Variants in CCDC107 observed in about 807,000 individuals in gnomAD.
CCDC107 encodes coiled-coil domain containing 107.
In CCDC107, 17 loss-of-function variants were observed where a neutral mutation model predicts 17.9. That is an observed-to-expected ratio of 0.95 (90% CI 0.65 to 1.42). The LOEUF is 1.42. Ranked by LOEUF, CCDC107 falls within the 40% of genes most tolerant of loss-of-function variation. The probability of loss-of-function intolerance (pLI) is 0.00; values close to 1 mark genes in which losing one functional copy is unlikely to be tolerated. For synonymous variants in CCDC107, 170 were observed against 157.2 expected (o/e 1.08, Z -0.61); for missense variants, 388 against 360.1 (o/e 1.08, Z -0.63).
At position 35,658,365 on chromosome 9, in the gene CCDC107, A is replaced by C. The variant is rs1161244811; in HGVS notation, c.-15A>C. 1.4e-6 allele frequency: 2 copies of C among 1,383,816 alleles called. No individual in the cohort carries two copies. The highest frequency in any genetic ancestry group is 1.9e-6 in the Non-Finnish European group (2 of 1,065,594). 85.7% of individuals were successfully genotyped at this position (1,383,816 alleles called of 1,614,324 possible). Reference sequence around the variant, plus strand: ...TCGGCACCGCCCGCCCGATCCCTCCACCCGTGGGCCGGCAATGGCGGGCGC... The same window carrying C: ...TCGGCACCGCCCGCCCGATCCCTCCCCCCGTGGGCCGGCAATGGCGGGCGC... On this transcript the variant is annotated 5_prime_UTR_variant, in exon 1 of 5. Transcript: ENST00000426546.
rs891525677 is a variant in CCDC107, at chr9:35,658,709, G to A, written c.240G>A (p.Val80=). 2.6e-6 allele frequency: 4 copies of A among 1,559,546 alleles called. No homozygotes were observed. Among genetic ancestry groups the A allele is most frequent in the Non-Finnish European group, 3.5e-6 (4 of 1,159,082 alleles). Residue 80 remains valine, a synonymous_variant, in exon 2 of 5, where the codon GTG becomes GTA. Coordinates refer to ENST00000426546, the MANE Select transcript of CCDC107 (RefSeq NM_174923.3). ...ALYTAAVAAF[V]LYKCLQGKDE... ...ACACCGCGGCCGTCGCGGCTTTTGT[G>A]CTGTACAAGTGTTTGCAGGTACGGG...
Position 35,660,950 on chromosome 9 carries a change from A to G in CCDC107, c.615A>G (p.Arg205=). Residue 205 remains arginine (R), a synonymous_variant, in exon 5 of 5, where the codon AGA becomes AGG. Coordinates refer to ENST00000426546, the MANE Select transcript of CCDC107 (RefSeq NM_174923.3). ...FLISPHTEAS[R]PLPEDFCLKE... ...TCTCTCCCCACACAGAGGCCAGCAG[A>G]CCTCTTCCTGAGGACTTCTGTTTAA... 6.2e-7 allele frequency: 1 copy of G among 1,614,052 alleles called. No homozygotes were observed. The highest frequency in any genetic ancestry group is 8.5e-7 in the Non-Finnish European group (1 of 1,179,998).
chr9:35,660,982 A>T lies in CCDC107; in HGVS notation c.647A>T (p.Asp216Val). Residue 216 changes from aspartate to valine, a missense_variant, in exon 5 of 5, where the codon GAC becomes GTC. By Grantham distance (152) the Asp-to-Val change is radical. Coordinates refer to ENST00000426546, the MANE Select transcript of CCDC107 (RefSeq NM_174923.3). Reference sequence around the variant, plus strand: ...CCTGAGGACTTCTGTTTAAAGGAGGACGAGGAGGAGATTGGTGACAGTCAG... The same window carrying T: ...CCTGAGGACTTCTGTTTAAAGGAGGTCGAGGAGGAGATTGGTGACAGTCAG... Reference protein sequence around the residue: ...PLPEDFCLKEDEEEIGDSQAW... With the variant: ...PLPEDFCLKEVEEEIGDSQAW... 1 of 1,614,100 alleles carries T rather than the reference A, an allele frequency of 6.2e-7. No homozygotes were observed. The highest frequency in any genetic ancestry group is 1.1e-5 in the South Asian group (1 of 91,078).
In CCDC107 at chr9:35,658,687, C is replaced by T. The variant is rs1229807165; in HGVS notation, c.218C>T (p.Thr73Ile). ...TCGCTGCCTCTGGGGGCGCTGTACA[C>T]CGCGGCCGTCGCGGCTTTTGTGCTG... The part of the protein sequence containing the change: ...AGSLPLGALY[T>I]AAVAAFVLYK... The change falls in exon 2 of 5, where the codon ACC becomes ATC. Residue 73 changes from threonine (T) to isoleucine (I), a missense_variant. Transcript: ENST00000426546. The T allele has an allele frequency of 1.3e-6, 2 of 1,568,182 alleles. No homozygotes were observed. Among genetic ancestry groups the T allele is most frequent in the African/African-American group, 1.4e-5 (1 of 71,678 alleles).
intron 2 of CCDC107, 69 bp from the exon 3 acceptor site, chr9:35,660,332 C>A (rs1823849109): frequency 7.3e-7 from 1 of 1,367,824 alleles, no homozygotes; most frequent in Non-Finnish European, 1.0e-6. Context: ...TCTTGGCTGG[C>A]TCTGGAGACT....
rs1563912726 is a variant in CCDC107, at chr9:35,660,896, C to T, written c.561C>T (p.Asp187=). The T allele has an allele frequency of 4.3e-6, 7 of 1,614,146 alleles. No individual in the cohort carries two copies. Among genetic ancestry groups the T allele is most frequent in the Non-Finnish European group, 5.1e-6 (6 of 1,180,034 alleles). Reference sequence around the variant, plus strand: ...GAGGCGAGTCTGCTGGAGGTGGAGACAAAGTCTCTGAAACTGGAACATTCC... The same window carrying T: ...GAGGCGAGTCTGCTGGAGGTGGAGATAAAGTCTCTGAAACTGGAACATTCC... ...GSGGESAGGG[D]KVSETGTFLI... The change falls in exon 5 of 5, where the codon GAC becomes GAT. Residue 187 remains aspartate, a synonymous_variant. Coordinates refer to ENST00000426546, the MANE Select transcript of CCDC107 (RefSeq NM_174923.3).
Position 35,660,980 on chromosome 9 carries a change from GGAC to G in CCDC107, c.648_650del (p.Asp216del), listed in dbSNP as rs778711357. ...TTCCTGAGGACTTCTGTTTAAAGGA[GGAC>G]GAGGAGGAGATTGGTGACAGTCAGG... is the stretch of plus-strand genomic sequence containing the variant. On this transcript the variant is annotated inframe_deletion, in exon 5 of 5. Coordinates refer to ENST00000426546, the MANE Select transcript of CCDC107 (RefSeq NM_174923.3). 3.7e-6 allele frequency: 6 copies of G among 1,614,166 alleles called. No homozygotes were observed. The Admixed American group carries it at 1.0e-4, about 27-fold the overall frequency.
Position 35,658,475 on chromosome 9 carries a change from G to A in CCDC107, c.96G>A (p.Arg32=). 6.8e-7 allele frequency: 1 copy of A among 1,472,886 alleles called. No homozygotes were observed. The highest frequency in any genetic ancestry group is 1.3e-5 in the South Asian group (1 of 76,496). 91.2% of individuals were successfully genotyped at this position (1,472,886 alleles called of 1,614,324 possible). Residue 32 remains arginine, a synonymous_variant, in exon 1 of 5, where the codon CGG becomes CGA. Transcript: ENST00000426546. ...GAGACCGCGCCAATCCCGACCTCCGGGCACACCCAGGTACCAGCTAGGGCT... is the reference window on the plus strand; with the variant it reads ...GAGACCGCGCCAATCCCGACCTCCGAGCACACCCAGGTACCAGCTAGGGCT... ...VLGDRANPDL[R]AHPGNAAHPG... is the part of the protein sequence containing the mutation.
Position 35,660,904 on chromosome 9 carries a change from C to T in CCDC107, c.569C>T (p.Ser190Phe), listed in dbSNP as rs2275420. 0.14 allele frequency: 218,710 copies of T among 1,613,966 alleles called. 16,794 individuals are homozygous for T. Among genetic ancestry groups the T allele is most frequent in the African/African-American group, 0.31 (23,336 of 74,938 alleles). Residue 190 changes from serine to phenylalanine, a missense_variant, in exon 5 of 5, where the codon TCT (serine) becomes TTT (phenylalanine). Physicochemically the swap from Ser to Phe is radical, Grantham distance 155 (BLOSUM62 -2). Transcript: ENST00000426546. The stretch of plus-strand genomic sequence containing the variant: ...TCTGCTGGAGGTGGAGACAAAGTCT[C>T]TGAAACTGGAACATTCCTGATCTCT... ...GESAGGGDKV[S>F]ETGTFLISPH...
chr9:35,659,559 G>A (rs988172028), intron 2 of CCDC107: 2 of 152,214 alleles, frequency 1.3e-5, no homozygotes, highest in East Asian at 1.9e-4. Flanking sequence ...CTGCCAATCA[G>A]AATGCCCCTG....
rs774600251 is a variant in CCDC107 at position 35,661,198 on chromosome 9, C to T, written c.*11C>T. 13 of 1,573,930 alleles carry T rather than the reference C, an allele frequency of 8.3e-6. No individual in the cohort carries two copies. The highest frequency in any genetic ancestry group is 1.7e-4 in the Middle Eastern group (1 of 5,872). On this transcript the variant is annotated 3_prime_UTR_variant, in exon 5 of 5. Coordinates refer to ENST00000426546, the MANE Select transcript of CCDC107 (RefSeq NM_174923.3). ...AGTCTGTTTTCATGATGGAGTGCTC[C>T]TGTGTGTTTTTTCGATCCTAGTTGG...
At chr9:35,660,256 T>C in intron 2 of CCDC107, 145 bp from the exon 3 acceptor site, 5 of 678,772 alleles carry the variant, frequency 7.4e-6, no homozygotes, top group Non-Finnish European at 1.3e-5. Context: ...AGGAGCTAGA[T>C]AGACTAGGAT....
rs1823905994 is a variant in CCDC107 at position 35,660,966 on chromosome 9, TTC to T, written c.633_634del (p.Phe211LeufsTer11). 1 of 1,614,130 alleles carries T rather than the reference TTC, an allele frequency of 6.2e-7. No individual in the cohort carries two copies. The highest frequency in any genetic ancestry group is 8.5e-7 in the Non-Finnish European group (1 of 1,180,030). On this transcript the variant is annotated frameshift_variant, in exon 5 of 5. Transcript: ENST00000426546. LOFTEE classifies it low-confidence loss of function (END_TRUNC). The part of the protein sequence containing the change: ...TEASRPLPED[F>X]CLKEDEEEIG... ...GGCCAGCAGACCTCTTCCTGAGGAC[TTC>T]TGTTTAAAGGAGGACGAGGAGGAGA...
In CCDC107 at chr9:35,660,750, A is replaced by T. The variant is rs1157586380; in HGVS notation, c.415A>T (p.Thr139Ser). The T allele has an allele frequency of 1.2e-5, 20 of 1,613,796 alleles. No homozygotes were observed. The highest frequency in any genetic ancestry group is 1.6e-5 in the Non-Finnish European group (19 of 1,179,840). ...ACTGAGTGGACATTTCTTCAGTGTG[A>T]CTACTCTGGCTGGAGCCCAGCAGGA... ...AQLDPLFERV[T>S]TLAGAQQELL... Residue 139 changes from threonine to serine, a missense_variant, in exon 5 of 5, where the codon ACT becomes TCT. Physicochemically the swap from Thr to Ser is moderately conservative, Grantham distance 58. Transcript: ENST00000426546.
Position 35,658,421 on chromosome 9 carries a change from G to T in CCDC107, c.42G>T (p.Leu14=). 2 of 1,454,234 alleles carry T rather than the reference G, an allele frequency of 1.4e-6. No individual in the cohort carries two copies. 90.1% of individuals were successfully genotyped at this position (1,454,234 alleles called of 1,614,324 possible). A position where few individuals can be genotyped will look rare whatever the true frequency, so the allele number is the denominator to read the frequency against. The change falls in exon 1 of 5, where the codon CTG becomes CTT. Residue 14 remains leucine, a synonymous_variant. Coordinates refer to ENST00000426546, the MANE Select transcript of CCDC107 (RefSeq NM_174923.3). ...CGCTCTTGGGTGTGGTGGGGCTGCTGCTTGTGTCTGCGCTGTCCGGGGTCC... is the reference window on the plus strand; with the variant it reads ...CGCTCTTGGGTGTGGTGGGGCTGCTTCTTGTGTCTGCGCTGTCCGGGGTCC... ...AVSLLGVVGL[L]LVSALSGVLG...
intron 2 of CCDC107, 177 bp from the exon 3 acceptor site, chr9:35,660,224 A>ACGT: frequency 1.7e-6 from 1 of 578,122 alleles, no homozygotes; most frequent in Admixed American, 3.4e-5. Context: ...GGGACATAGG[A>ACGT]CGTCGCTTCA....
chr9:35,658,744 G>T lies in CCDC107; in HGVS notation c.258+17G>T, dbSNP rs767270341. 1 of 1,462,506 alleles carries T rather than the reference G, an allele frequency of 6.8e-7. No individual in the cohort carries two copies. Among genetic ancestry groups the T allele is most frequent in the East Asian group, 2.7e-5 (1 of 36,722 alleles). The allele number at this position is 1,462,506 out of a possible 1,614,324, so 90.6% of individuals were successfully genotyped here. A position where few individuals can be genotyped will look rare whatever the true frequency, so the allele number is the denominator to read the frequency against. Reference sequence around the variant, plus strand: ...TGTTTGCAGGTACGGGGCGGCCGGGGGTAGGGGTGCCCCTGCAGGTGCGGG... The same window carrying T: ...TGTTTGCAGGTACGGGGCGGCCGGGTGTAGGGGTGCCCCTGCAGGTGCGGG... On this transcript the variant is annotated intron_variant, in intron 2 of 4. Coordinates refer to ENST00000426546, the MANE Select transcript of CCDC107 (RefSeq NM_174923.3).
chr9:35,658,355 C>A lies in CCDC107; in HGVS notation c.-25C>A, dbSNP rs1426713415. 25 of 1,358,816 alleles carry A rather than the reference C, an allele frequency of 1.8e-5. No homozygotes were observed. Among genetic ancestry groups the A allele is most frequent in the African/African-American group, 3.0e-5 (2 of 65,732 alleles). The allele number at this position is 1,358,816 out of a possible 1,614,324, so 84.2% of individuals were successfully genotyped here. On this transcript the variant is annotated 5_prime_UTR_variant, in exon 1 of 5. Coordinates refer to ENST00000426546, the MANE Select transcript of CCDC107 (RefSeq NM_174923.3). The stretch of plus-strand genomic sequence containing the variant: ...CCGGACCGCTTCGGCACCGCCCGCC[C>A]GATCCCTCCACCCGTGGGCCGGCAA...
At chr9:35,658,974 C>T (rs1823736725) in intron 2 of CCDC107, 1 of 380,788 alleles carries the variant, frequency 2.6e-6, no homozygotes. Context: ...ACATTTAGTT[C>T]TCCTACAATC....
Sources: gnomAD v4.1 joint callset for allele counts on GRCh38, gnomAD v4.1.1 for gene constraint, MANE v1.5 for transcripts, NCBI Gene and HGNC (gene_info 2026-07-23, HGNC 2026-07-21) for gene names.